EXOC4: variants seen among roughly 807,000 people sequenced by gnomAD.
EXOC4 encodes exocyst complex component 4.
A neutral mutation model predicts 107.2 loss-of-function variants in EXOC4; 71 were observed. The ratio of observed to expected loss-of-function variants is 0.66; its 90% CI spans 0.55 to 0.81. The LOEUF (loss-of-function observed/expected upper bound fraction) is 0.81. Among genes scored for constraint, EXOC4 ranks in the 30% least tolerant of loss-of-function variants. The pLI is 0.00. For missense variants in EXOC4, 1,108 were observed against 1,189.6 expected (o/e 0.93, Z 1.01); for synonymous variants, 456 against 441.2 (o/e 1.03, Z -0.42).
At chr7:133,381,643 A>G (rs952051319) in intron 7 of EXOC4, among the ~76,000 whole-genome samples, 1 of 152,172 alleles carries the variant, frequency 6.6e-6, no homozygotes, top group African/African-American at 2.4e-5. Context: ...AGGTTGTGAA[A>G]ACCTGTTAGG....
intron 9 of EXOC4, among the ~76,000 whole-genome samples, chr7:133,584,261 A>T (rs560778314): frequency 1.3e-5 from 2 of 152,190 alleles, no homozygotes; most frequent in African/African-American, 2.4e-5. Flanking sequence ...TCAGAGATAC[A>T]GTAAGAATAG....
intron 11 of EXOC4, among the ~76,000 whole-genome samples, chr7:133,861,074 G>C (rs1323789546): frequency 6.6e-6 from 1 of 152,148 alleles, no homozygotes; most frequent in Non-Finnish European, 1.5e-5. Flanking sequence ...CTCATCAGCT[G>C]AAAGTAACTA....
At chr7:134,059,728 A>G (rs1015030916) in intron 17 of EXOC4, among the ~76,000 whole-genome samples, 6 of 152,216 alleles carry the variant, frequency 3.9e-5, no homozygotes, top group African/African-American at 1.4e-4. Flanking sequence ...TATTTCAACT[A>G]TAAGAAAGAA....
intron 10 of EXOC4, among the ~76,000 whole-genome samples, chr7:133,782,514 A>G (rs1269957685): frequency 6.6e-6 from 1 of 152,188 alleles, no homozygotes; most frequent in African/African-American, 2.4e-5. Flanking sequence ...ATCTGCTTGA[A>G]CAGATGAAAC....
intron 10 of EXOC4, among the ~76,000 whole-genome samples, chr7:133,654,572 G>A (rs1266003102): frequency 1.3e-5 from 2 of 152,144 alleles, no homozygotes; most frequent in Non-Finnish European, 2.9e-5. Flanking sequence ...GTTGGTTATG[G>A]ATAGAGCAAA....
At chr7:133,981,721 C>A (rs1793983774) in intron 14 of EXOC4, among the ~76,000 whole-genome samples, 1 of 152,012 alleles carries the variant, frequency 6.6e-6, no homozygotes, top group African/African-American at 2.4e-5. Flanking sequence ...AACAGAACTA[C>A]CGTTCTACCC....
At chr7:133,790,222 G>A (rs1359723692) in intron 10 of EXOC4, among the ~76,000 whole-genome samples, 2 of 152,188 alleles carry the variant, frequency 1.3e-5, no homozygotes, top group African/African-American at 2.4e-5. Context: ...TTTTAGGAGC[G>A]ATAGAGCATG....
intron 3 of EXOC4, among the ~76,000 whole-genome samples, chr7:133,304,059 G>A (rs1209614930): frequency 6.6e-6 from 1 of 152,144 alleles, no homozygotes; most frequent in Non-Finnish European, 1.5e-5. Context: ...AAATCTTCAT[G>A]TACATTCCTA....
At chr7:133,535,503 C>A (rs968198438) in intron 9 of EXOC4, among the ~76,000 whole-genome samples, 31 of 152,172 alleles carry the variant, frequency 2.0e-4, no homozygotes, top group African/African-American at 7.5e-4. Flanking sequence ...AGCAGTAATA[C>A]TGGAAACACT....
At chr7:133,963,786 T>A (rs1801000260) in intron 14 of EXOC4, among the ~76,000 whole-genome samples, 1 of 152,226 alleles carries the variant, frequency 6.6e-6, no homozygotes, top group African/African-American at 2.4e-5. Flanking sequence ...GTGTTAGGCA[T>A]GGGGCATTCA....
intron 7 of EXOC4, among the ~76,000 whole-genome samples, chr7:133,399,275 A>C (rs1797037128): frequency 1.3e-5 from 2 of 152,128 alleles, no homozygotes; most frequent in Non-Finnish European, 1.5e-5. Flanking sequence ...TTATATATAT[A>C]TCTTTGATTT....
chr7:133,429,505 A>T (rs1267937643), intron 7 of EXOC4, among the ~76,000 whole-genome samples: 1 of 152,216 alleles, frequency 6.6e-6, no homozygotes, highest in Non-Finnish European at 1.5e-5. Context: ...TAGTATATTC[A>T]CAGGGTTTTG....
chr7:133,289,133 T>G lies in EXOC4; in HGVS notation c.471+17T>G, dbSNP rs371928563. 2 of 1,608,808 alleles carry G rather than the reference T, an allele frequency of 1.2e-6. No homozygotes were observed. Among genetic ancestry groups the G allele is most frequent in the African/African-American group, 2.7e-5 (2 of 74,786 alleles). On this transcript the variant is annotated intron_variant, in intron 3 of 17. Coordinates refer to ENST00000253861, the MANE Select transcript of EXOC4 (RefSeq NM_021807.4). ...GACATGTTGGTAAGAGAACAGCCTG[T>G]GCTAAGGGTCATTTTTGTTAAGATG...
intron 7 of EXOC4, among the ~76,000 whole-genome samples, chr7:133,434,951 T>G (rs1797935556): frequency 1.3e-5 from 2 of 152,326 alleles, no homozygotes; most frequent in South Asian, 4.1e-4. Context: ...GATGCCTAAT[T>G]TATTTAGCAC....
chr7:133,366,001 A>G (rs1253669828), intron 6 of EXOC4, among the ~76,000 whole-genome samples: 2 of 152,226 alleles, frequency 1.3e-5, no homozygotes, highest in South Asian at 2.1e-4. Context: ...TTAAAGTCTC[A>G]GCAGACAAGT....
chr7:133,573,359 G>T (rs775476209), intron 9 of EXOC4, among the ~76,000 whole-genome samples: 1 of 152,164 alleles, frequency 6.6e-6, no homozygotes, highest in Non-Finnish European at 1.5e-5. Context: ...GATAAACCAT[G>T]ATGCTACTTA....
chr7:133,947,513 C>T (rs144236531), intron 14 of EXOC4, among the ~76,000 whole-genome samples: 5 of 152,158 alleles, frequency 3.3e-5, no homozygotes, highest in African/African-American at 1.2e-4. Flanking sequence ...AAAAAGGCAC[C>T]TTTTGTTCTT....
intron 1 of EXOC4, among the ~76,000 whole-genome samples, chr7:133,272,811 AC>A (rs1228313933): frequency 6.6e-6 from 1 of 152,230 alleles, no homozygotes; most frequent in South Asian, 2.1e-4. Flanking sequence ...CATTTTAGTA[AC>A]CCTTTCTATT....
intron 9 of EXOC4, among the ~76,000 whole-genome samples, chr7:133,561,621 T>C (rs1055949714): frequency 1.3e-5 from 2 of 152,238 alleles, no homozygotes; most frequent in African/African-American, 4.8e-5. Flanking sequence ...ATTGCTTTGC[T>C]ATAACGTTGA....
Sources: allele counts gnomAD v4.1 joint callset (sites outside exome capture counted in the v4.1 genomes callset), GRCh38; gene constraint gnomAD v4.1.1; transcripts MANE v1.5; gene names NCBI Gene and HGNC (gene_info 2026-07-23, HGNC 2026-07-21).